The following WDR90 variants were observed in gnomAD, a reference collection of about 807,000 sequenced individuals.
WDR90 encodes the protein WD repeat-containing protein 90.
In WDR90, 238 loss-of-function variants were observed where a neutral mutation model predicts 195.2. The ratio of observed to expected loss-of-function variants is 1.22; its 90% CI spans 1.10 to 1.36. The LOEUF (loss-of-function observed/expected upper bound fraction) is 1.36, where lower values mean the gene tolerates loss of function less well. WDR90 is among the 40% of genes most tolerant of loss of function. The pLI, the probability that WDR90 is intolerant of heterozygous loss-of-function variation, is 0.00. For missense variants in WDR90, 2,734 were observed against 2,439.5 expected (o/e 1.12, Z -2.54); for synonymous variants, 1,265 against 1,052.4 (o/e 1.20, Z -3.91).
rs773523584 is a variant in WDR90 at position 651,892 on chromosome 16, C to T, written c.906C>T (p.Asp302=). 30 of 1,610,954 alleles carry T rather than the reference C, an allele frequency of 1.9e-5. No individual in the cohort carries two copies. The highest frequency in any genetic ancestry group is 2.2e-5 in the East Asian group (1 of 44,882). ...TCAGCCTGTCCCAAGAGCGCTCAGACGCCTCCAACGCGGATGGCCCCGGTT... is the reference window on the plus strand; with the variant it reads ...TCAGCCTGTCCCAAGAGCGCTCAGATGCCTCCAACGCGGATGGCCCCGGTT... The part of the protein sequence containing the change: ...PEVSLSQERS[D]ASNADGPGFH... Residue 302 remains aspartate, a synonymous_variant, in exon 9 of 41, where the codon GAC becomes GAT. Coordinates refer to ENST00000293879, the MANE Select transcript of WDR90 (RefSeq NM_145294.5).
Position 661,033 on chromosome 16 carries a change from C to CCCCACCGCCCGGCCTCAG in WDR90, c.3392-18_3392-17insCCCACCGCCCGGCCTCAG. ...CCCCCCCCGGCCCGGCCTCAGGCCC[C>CCCCACCGCCCGGCCTCAG]GCCCTCTCTGCGCACAGGCTTCTTT... On this transcript the variant is annotated splice_polypyrimidine_tract_variant and intron_variant, in intron 28 of 40. Transcript: ENST00000293879. 1 of 1,290,022 alleles carries CCCCACCGCCCGGCCTCAG rather than the reference C, an allele frequency of 7.8e-7. No homozygotes were observed. The highest frequency in any genetic ancestry group is 1.0e-6 in the Non-Finnish European group (1 of 998,340). The allele number at this position is 1,290,022 out of a possible 1,614,324, so 79.9% of individuals were successfully genotyped here. A position where few individuals can be genotyped will look rare whatever the true frequency, so the allele number is the denominator to read the frequency against.
At chr16:660,321 A>C (rs1174008142) in intron 27 of WDR90, among the ~76,000 whole-genome samples, 160 bp downstream of exon 27, 4 of 151,118 alleles carry the variant, frequency 2.6e-5, no homozygotes, top group African/African-American at 7.3e-5. Context: ...CCACACCCCC[A>C]CCCCTGCCCT....
In WDR90 at chr16:654,703, G is replaced by A. The variant is rs2037710899; in HGVS notation, c.1438-326G>A. 3 of 353,162 alleles carry A rather than the reference G, an allele frequency of 8.5e-6. No individual in the cohort carries two copies. In the East Asian group the frequency reaches 1.6e-4, roughly 19 times the overall value. 21.9% of individuals were successfully genotyped at this position (353,162 alleles called of 1,614,324 possible). ...GGGCTCAAGCAGTCCTCCCACCTCA[G>A]CCTCCCAAAGTGCTGGGATCACAGG... On this transcript the variant is annotated intron_variant, in intron 13 of 40. Transcript: ENST00000293879.
Position 653,588 on chromosome 16 carries a change from A to G in WDR90, c.1297A>G (p.Ser433Gly). The change falls in exon 12 of 41, where the codon AGT becomes GGT. Residue 433 changes from serine to glycine, a missense_variant. Ser to Gly is a moderately conservative substitution (Grantham distance 56). Coordinates refer to ENST00000293879, the MANE Select transcript of WDR90 (RefSeq NM_145294.5). Reference sequence around the variant, plus strand: ...GGCCTCGGCCCAGGCAAGGGCCCCTAGTGTGATGCGGCTCTGGGACTTCCA... The same window carrying G: ...GGCCTCGGCCCAGGCAAGGGCCCCTGGTGTGATGCGGCTCTGGGACTTCCA... ...LLASAQARAPSVMRLWDFQTG... is the reference protein window; with the variant it reads ...LLASAQARAPGVMRLWDFQTG... The G allele has an allele frequency of 6.2e-7, 1 of 1,613,538 alleles. No individual in the cohort carries two copies. Among genetic ancestry groups the G allele is most frequent in the Non-Finnish European group, 8.5e-7 (1 of 1,179,992 alleles).
intron 30 of WDR90, 40 bp from the exon 31 acceptor site, chr16:661,557 C>G: frequency 6.3e-7 from 1 of 1,579,184 alleles, no homozygotes; most frequent in East Asian, 2.3e-5. Flanking sequence ...GGGGGGGCTG[C>G]ATCTGTGCAC....
rs2038144680 is a variant in WDR90 at position 667,607 on chromosome 16, G to A, written c.*18G>A. The stretch of plus-strand genomic sequence containing the variant: ...GCCTCTGAGATGCAGCAGGGACTGT[G>A]GTGGTGGGCATCACGCCTGGTCATG... On this transcript the variant is annotated 3_prime_UTR_variant, in exon 41 of 41. Coordinates refer to ENST00000293879, the MANE Select transcript of WDR90 (RefSeq NM_145294.5). 6.2e-7 allele frequency: 1 copy of A among 1,603,710 alleles called. No homozygotes were observed. Among genetic ancestry groups the A allele is most frequent in the African/African-American group, 1.3e-5 (1 of 74,936 alleles).
In WDR90 at chr16:653,395, G is replaced by A. The variant is rs761389709; in HGVS notation, c.1177G>A (p.Val393Ile). The A allele has an allele frequency of 1.8e-5, 29 of 1,608,250 alleles. No homozygotes were observed. Among genetic ancestry groups the A allele is most frequent in the African/African-American group, 1.1e-4 (8 of 74,626 alleles). ...AVVYPCHAVI[V>I]VLLVDTGEQR... ...CGTGTACCCCTGCCATGCGGTCATC[G>A]TCGTCCTGCTCGTGGACACGGGGGA... The change falls in exon 11 of 41, where the codon GTC (valine) becomes ATC (isoleucine). Residue 393 changes from valine (V) to isoleucine (I), a missense_variant. Coordinates refer to ENST00000293879, the MANE Select transcript of WDR90 (RefSeq NM_145294.5).
At chr16:655,183 G>A (rs781553672) in intron 14 of WDR90, 36 bp downstream of exon 14, 2 of 1,612,386 alleles carry the variant, frequency 1.2e-6, no homozygotes, top group South Asian at 1.1e-5. Flanking sequence ...TTGGGAGAGG[G>A]TCTGGGCCCG....
rs753363165 is a variant in WDR90, at chr16:656,856, T to A, written c.2327T>A (p.Val776Asp). Residue 776 changes from valine to aspartate, a missense_variant, in exon 19 of 41, where the codon GTC (valine) becomes GAC (aspartate). Coordinates refer to ENST00000293879, the MANE Select transcript of WDR90 (RefSeq NM_145294.5). Reference protein sequence around the residue: ...VRSFSLEAAEVLVEHTCHRGA... With the variant: ...VRSFSLEAAEDLVEHTCHRGA... ...TCCTTCAGCCTGGAGGCCGCTGAGG[T>A]CCTGGTGGAACACACGTAAGTGCCC... 2 of 1,612,694 alleles carry A rather than the reference T, an allele frequency of 1.2e-6. No homozygotes were observed. The highest frequency in any genetic ancestry group is 2.7e-5 in the African/African-American group (2 of 75,014).
chr16:664,149 G>A (rs557762308), intron 34 of WDR90, among the ~76,000 whole-genome samples: 1 of 143,012 alleles, frequency 7.0e-6, no homozygotes, highest in South Asian at 2.3e-4. Flanking sequence ...TTCAGGGGGT[G>A]GCTTTTGGCA....
Position 666,944 on chromosome 16 carries a change from C to T in WDR90, c.5044C>T (p.Leu1682=). 1 of 1,612,488 alleles carries T rather than the reference C, an allele frequency of 6.2e-7. No individual in the cohort carries two copies. Among genetic ancestry groups the T allele is most frequent in the Non-Finnish European group, 8.5e-7 (1 of 1,179,384 alleles). ...KIPLPFFAMS[L]SLSPGTHLLA... is the part of the protein sequence containing the mutation. Reference sequence around the variant, plus strand: ...ACCACTGCCCTTTTTTGCCATGTCCCTGAGCCTGTCCCCCGGGACCCACCT... The same window carrying T: ...ACCACTGCCCTTTTTTGCCATGTCCTTGAGCCTGTCCCCCGGGACCCACCT... Residue 1682 remains leucine, a synonymous_variant, in exon 40 of 41, where the codon CTG becomes TTG. Transcript: ENST00000293879.
At position 659,111 on chromosome 16, in the gene WDR90, C is replaced by G. The variant is rs539125246; in HGVS notation, c.3037C>G (p.Pro1013Ala). 3.1e-6 allele frequency: 5 copies of G among 1,612,378 alleles called. No individual in the cohort carries two copies. Among genetic ancestry groups the G allele is most frequent in the East Asian group, 4.5e-5 (2 of 44,886 alleles). Reference sequence around the variant, plus strand: ...CGACCAAAGCTTCCCCGGGGCCCCCCCAGCCTGCAAGACAGGTGAGTGGCT... The same window carrying G: ...CGACCAAAGCTTCCCCGGGGCCCCCGCAGCCTGCAAGACAGGTGAGTGGCT... ...ESDQSFPGAP[P>A]ACKTGPGAGP... is the part of the protein sequence containing the mutation. Residue 1013 changes from proline to alanine, a missense_variant, in exon 25 of 41, where the codon CCA becomes GCA. By Grantham distance (27) the Pro-to-Ala change is conservative. Coordinates refer to ENST00000293879, the MANE Select transcript of WDR90 (RefSeq NM_145294.5).
At chr16:656,632 ACTTTCCAGCCTGTGT>A in intron 18 of WDR90, 85 bp from the exon 19 acceptor site, 1 of 1,571,352 alleles carries the variant, frequency 6.4e-7, no homozygotes, top group Non-Finnish European at 8.7e-7. Flanking sequence ...AGGGACCTGG[ACTTTCCAGCCTGTGT>A]CGGCCCCATG....
At chr16:660,983 TCCCCAGGCCCCTCCCCGCCCCCCCCCC>T in intron 28 of WDR90, 41 bp from the exon 29 acceptor site, 1 of 22,848 alleles carries the variant, frequency 4.4e-5, no homozygotes, top group Non-Finnish European at 6.9e-5. Flanking sequence ...GTTCGGCCCC[TCCCCAGGCCCCTCCCCGCCCCCCCCCC>T]CCCCCGGCCC....
At position 667,742 on chromosome 16, in the gene WDR90, C is replaced by T. The variant is rs1596476231; in HGVS notation, c.*153C>T. On this transcript the variant is annotated 3_prime_UTR_variant, in exon 41 of 41. Transcript: ENST00000293879. Reference sequence around the variant, plus strand: ...CTGGAGCAAGCTGTTGTAAATTTGGCGCCCTGTGAATACTTTCATACCTGT... The same window carrying T: ...CTGGAGCAAGCTGTTGTAAATTTGGTGCCCTGTGAATACTTTCATACCTGT... The T allele has an allele frequency of 2.5e-6, 3 of 1,184,566 alleles. No individual in the cohort carries two copies. Among genetic ancestry groups the T allele is most frequent in the South Asian group, 1.3e-5 (1 of 76,572 alleles). The allele number at this position is 1,184,566 out of a possible 1,614,324, so 73.4% of individuals were successfully genotyped here.
At chr16:660,803 C>G in intron 28 of WDR90, 89 bp downstream of exon 28, 1 of 1,371,136 alleles carries the variant, frequency 7.3e-7, no homozygotes, top group African/African-American at 1.5e-5. Flanking sequence ...GACCTGGTGG[C>G]AAATGAGCGC....
In WDR90 at chr16:652,554, T is replaced by C. The variant is rs1248758018; in HGVS notation, c.1122+19T>C. 6.3e-7 allele frequency: 1 copy of C among 1,591,570 alleles called. No homozygotes were observed. Among genetic ancestry groups the C allele is most frequent in the East Asian group, 2.3e-5 (1 of 44,230 alleles). ...CAGACAGGTGAGGCTCCTGCGGCTG[T>C]GTCCAGAGCAGCTCTCGTTGGCCGG... On this transcript the variant is annotated intron_variant, in intron 10 of 40. Transcript: ENST00000293879.
At position 650,110 on chromosome 16, in the gene WDR90, G is replaced by A; in HGVS notation, c.222G>A (p.Val74=). 2.5e-6 allele frequency: 4 copies of A among 1,613,060 alleles called. No homozygotes were observed. Among genetic ancestry groups the A allele is most frequent in the South Asian group, 2.2e-5 (2 of 91,086 alleles). ...SLGLTGRYLY[V]LFRPLPSKHF... is the part of the protein sequence containing the mutation. ...GGCTGACGGGACGATACCTGTATGT[G>A]CTCTTTCGGCCCCTGCCCAGCAAGC... is the stretch of plus-strand genomic sequence containing the variant. The change falls in exon 3 of 41, where the codon GTG becomes GTA. Residue 74 remains valine, a synonymous_variant. Transcript: ENST00000293879.
rs769987565 is a variant in WDR90, at chr16:661,179, G to A, written c.3513+7G>A. 19 of 1,535,190 alleles carry A rather than the reference G, an allele frequency of 1.2e-5. No homozygotes were observed. The East Asian group carries it at 2.9e-4, about 23-fold the overall frequency. On this transcript the variant is annotated splice_region_variant and intron_variant, in intron 29 of 40. Coordinates refer to ENST00000293879, the MANE Select transcript of WDR90 (RefSeq NM_145294.5). ...CCTCAGCCACAGTGCCCAGGTGCCC[G>A]CCTGCATCGCCCTCCTCCTCTCCCA...
Sources: allele counts gnomAD v4.1 joint callset (sites outside exome capture counted in the v4.1 genomes callset), GRCh38; gene constraint gnomAD v4.1.1; transcripts MANE v1.5; gene names NCBI Gene and HGNC (gene_info 2026-07-23, HGNC 2026-07-21).